The following HECW1 variants were observed in gnomAD, a reference collection of about 807,000 sequenced individuals.
HECW1 encodes the protein E3 ubiquitin-protein ligase HECW1.
In HECW1, 61 loss-of-function variants were observed where a neutral mutation model predicts 182.3. That is an observed-to-expected ratio of 0.33 (90% CI 0.27 to 0.41). The LOEUF (loss-of-function observed/expected upper bound fraction) is 0.41, where lower values mean the gene tolerates loss of function less well. Ranked by LOEUF, HECW1 falls within the 10% of genes least tolerant of loss-of-function variation. The pLI, the probability that HECW1 is intolerant of heterozygous loss-of-function variation, is 1.00. For synonymous variants in HECW1, 859 were observed against 832.6 expected, an observed-to-expected ratio of 1.03 and a Z score of -0.55; for missense variants, 1,739 against 2,108.9, an observed-to-expected ratio of 0.82 and a Z score of 3.44.
intron 4 of HECW1, among the ~76,000 whole-genome samples, chr7:43,316,665 TAAC>T (rs1809293726): frequency 2.0e-5 from 3 of 151,180 alleles, no homozygotes; most frequent in South Asian, 4.2e-4. Flanking sequence ...ATGCAGAAAA[TAAC>T]AGCCTCCTGG....
chr7:43,374,053 C>T (rs762049428), intron 6 of HECW1, among the ~76,000 whole-genome samples: 1 of 152,140 alleles, frequency 6.6e-6, no homozygotes, highest in Non-Finnish European at 1.5e-5. Flanking sequence ...GGAGGATCCA[C>T]GGGTTGCTTG....
intron 2 of HECW1, among the ~76,000 whole-genome samples, chr7:43,155,644 G>GT (rs775242265): frequency 5.9e-5 from 9 of 152,200 alleles, no homozygotes; most frequent in Non-Finnish European, 1.3e-4. Flanking sequence ...AATTTGCTGA[G>GT]TGTGTACCTC....
At chr7:43,365,307 G>A (rs1182766848) in intron 6 of HECW1, among the ~76,000 whole-genome samples, 2 of 152,246 alleles carry the variant, frequency 1.3e-5, no homozygotes, top group African/African-American at 4.8e-5. Flanking sequence ...CGTTCACCTG[G>A]CAGTGCAGTG....
intron 3 of HECW1, chr7:43,274,077 C>T (rs1468373438): frequency 8.6e-6 from 3 of 350,766 alleles, no homozygotes; most frequent in Non-Finnish European, 1.5e-5. Context: ...TCTCGAACTC[C>T]TGACCTCAGT....
chr7:43,335,689 T>C (rs555575199), intron 5 of HECW1, among the ~76,000 whole-genome samples: 1 of 152,266 alleles, frequency 6.6e-6, no homozygotes, highest in Admixed American at 6.5e-5. Context: ...TCTTTCTTTT[T>C]CCTTCCTTCC....
intron 2 of HECW1, among the ~76,000 whole-genome samples, chr7:43,207,524 A>G (rs1217595579): frequency 1.3e-5 from 2 of 152,150 alleles, no homozygotes; most frequent in South Asian, 2.1e-4. Context: ...TATATAATAT[A>G]TTACTGTTAA....
intron 2 of HECW1, among the ~76,000 whole-genome samples, chr7:43,186,591 C>T (rs540501894): frequency 6.6e-6 from 1 of 151,608 alleles, no homozygotes; most frequent in African/African-American, 2.4e-5. Context: ...ATGGCATGAA[C>T]CTGGAAGGCA....
At chr7:43,461,090 G>A (rs558198060) in intron 13 of HECW1, among the ~76,000 whole-genome samples, 6 of 152,324 alleles carry the variant, frequency 3.9e-5, no homozygotes, top group Middle Eastern at 3.4e-3. Context: ...TACACCAAAC[G>A]TAGTGGCATA....
At position 43,210,450 on chromosome 7, in the gene HECW1, AGTGTGT is replaced by A. The variant is rs57987187; in HGVS notation, c.-31-33403_-31-33398del. Among the ~76,000 whole-genome samples the A allele has an allele frequency of 4.6e-4, 67 of 145,510 alleles. 1 individual carries two copies. The highest frequency in any genetic ancestry group is 3.4e-3 in the Middle Eastern group (1 of 290). ...ACTCAAGAAGGATCAAGTAGAAGTG[AGTGTGT>A]GTGTGTGTGTGTGTGTGTGTGGTAT... On this transcript the variant is annotated intron_variant, in intron 2 of 29. Coordinates refer to ENST00000395891, the MANE Select transcript of HECW1 (RefSeq NM_015052.5).
rs79228152 is a variant in HECW1 at position 43,457,211 on chromosome 7, A to G, written c.2651+764A>G. Among the ~76,000 whole-genome samples, 91 of 152,340 alleles carry G rather than the reference A, an allele frequency of 6.0e-4. No homozygotes were observed. The East Asian group carries it at 0.015, about 26-fold the overall frequency. On this transcript the variant is annotated intron_variant, in intron 13 of 29. Coordinates refer to ENST00000395891, the MANE Select transcript of HECW1 (RefSeq NM_015052.5). ...GCTAGTATAAAGCATTGTCTCTGAC[A>G]TCTTGCTCTTTAAGACTGGAGTGGC...
At chr7:43,236,551 T>C (rs984403836) in intron 2 of HECW1, among the ~76,000 whole-genome samples, 1 of 152,204 alleles carries the variant, frequency 6.6e-6, no homozygotes, top group Non-Finnish European at 1.5e-5. Context: ...GTGGGAAAAC[T>C]TGAAGCAGGA....
At chr7:43,341,062 G>A (rs1812918580) in intron 5 of HECW1, among the ~76,000 whole-genome samples, 1 of 151,610 alleles carries the variant, frequency 6.6e-6, no homozygotes, top group African/African-American at 2.4e-5. Context: ...CACAAGGACA[G>A]AAAACCAAAC....
At chr7:43,343,355 G>A (rs538261725) in intron 5 of HECW1, among the ~76,000 whole-genome samples, 2 of 151,442 alleles carry the variant, frequency 1.3e-5, no homozygotes, top group South Asian at 4.2e-4. Context: ...GTGCCATGAT[G>A]GTTTGCTGCA....
intron 2 of HECW1, among the ~76,000 whole-genome samples, chr7:43,225,082 G>C (rs183535021): frequency 1.8e-4 from 27 of 152,316 alleles, no homozygotes; most frequent in East Asian, 1.7e-3. Flanking sequence ...GGGGGAAGAT[G>C]ACAGGTGACA....
At chr7:43,407,803 T>C in intron 8 of HECW1, 72 bp downstream of exon 8, 1 of 1,338,188 alleles carries the variant, frequency 7.5e-7, no homozygotes. Context: ...GCCCTCCTCC[T>C]TCCCTCCATT....
intron 6 of HECW1, among the ~76,000 whole-genome samples, chr7:43,363,744 G>A (rs1442368760): frequency 6.6e-6 from 1 of 152,156 alleles, no homozygotes; most frequent in Non-Finnish European, 1.5e-5. Context: ...TGATGGCGTG[G>A]CACACTTTTC....
intron 2 of HECW1, among the ~76,000 whole-genome samples, chr7:43,152,473 T>C (rs1318436945): frequency 6.6e-6 from 1 of 152,222 alleles, no homozygotes; most frequent in African/African-American, 2.4e-5. Flanking sequence ...GATAGAAGTA[T>C]TTAATTTTTC....
At chr7:43,478,723 ATCT>A (rs1255806526) in intron 16 of HECW1, among the ~76,000 whole-genome samples, 2 of 152,118 alleles carry the variant, frequency 1.3e-5, no homozygotes, top group African/African-American at 4.8e-5. Flanking sequence ...GATTTTTATT[ATCT>A]TCTTTCTACT....
chr7:43,488,385 AGG>A lies in HECW1; in HGVS notation c.3235-3689_3235-3688del, dbSNP rs1563045137. On this transcript the variant is annotated intron_variant, in intron 17 of 29. Coordinates refer to ENST00000395891, the MANE Select transcript of HECW1 (RefSeq NM_015052.5). ...AAGGAAGGAAGGAAGGAAGGAAGGA[AGG>A]AAGGAAGGAAGGAAATGAAAGAAAG... is the stretch of plus-strand genomic sequence containing the variant. Among the ~76,000 whole-genome samples the A allele has an allele frequency of 1.4e-3, 140 of 100,364 alleles. 2 individuals carry two copies. Among genetic ancestry groups the A allele is most frequent in the Middle Eastern group, 5.2e-3 (1 of 192 alleles). The allele number at this position is 100,364 out of a possible 152,430, so 65.8% of individuals were successfully genotyped here. A position where few individuals can be genotyped will look rare whatever the true frequency, so the allele number is the denominator to read the frequency against.
Sources: allele counts gnomAD v4.1 joint callset (sites outside exome capture counted in the v4.1 genomes callset), GRCh38; gene constraint gnomAD v4.1.1; transcripts MANE v1.5; gene names NCBI Gene and HGNC (gene_info 2026-07-23, HGNC 2026-07-21).